Variants in DEF8 observed in about 807,000 individuals in gnomAD.
The protein encoded by DEF8 is DEF-8.
A neutral mutation model predicts 59.1 loss-of-function variants in DEF8; 38 were observed. That is an observed-to-expected ratio of 0.64 (90% CI 0.50 to 0.84). The LOEUF (loss-of-function observed/expected upper bound fraction) is 0.84, where lower values mean the gene tolerates loss of function less well. DEF8 is among the 40% of genes least tolerant of loss of function. The pLI, the probability that DEF8 is intolerant of heterozygous loss-of-function variation, is 0.00. For missense variants in DEF8, 557 were observed against 615.2 expected (o/e 0.91, Z 1.00); for synonymous variants, 265 against 250.1 (o/e 1.06, Z -0.56).
intron 1 of DEF8, 61 bp from the exon 2 acceptor site, chr16:89,949,356 G>C: frequency 7.2e-7 from 1 of 1,391,192 alleles, no homozygotes; most frequent in Admixed American, 2.2e-5. Context: ...GGGAGACCGG[G>C]CGAGCTCCCG....
intron 7 of DEF8, 102 bp downstream of exon 7, chr16:89,961,197 C>T (rs1190926373): frequency 4.8e-6 from 7 of 1,454,584 alleles, no homozygotes; most frequent in Non-Finnish European, 5.6e-6. Context: ...TTGAGTGAGG[C>T]CCTGGGGCAG....
chr16:89,963,801 C>T lies in DEF8; in HGVS notation c.1002+358C>T, dbSNP rs192409144. Reference sequence around the variant, plus strand: ...TGAACGAAACAGACAGGAATGCTTGCCCTTAGTGCCTTTCAAGTAGGGAAG... The same window carrying T: ...TGAACGAAACAGACAGGAATGCTTGTCCTTAGTGCCTTTCAAGTAGGGAAG... On this transcript the variant is annotated intron_variant, in intron 10 of 12. Coordinates refer to ENST00000563594, the MANE Select transcript of DEF8 (RefSeq NM_001242818.2). 1.8e-4 allele frequency: 88 copies of T among 488,862 alleles called. 2 individuals are homozygous for T. Among genetic ancestry groups the T allele is most frequent in the African/African-American group, 1.6e-3 (83 of 51,660 alleles). 30.3% of individuals were successfully genotyped at this position (488,862 alleles called of 1,614,324 possible).
At position 89,965,708 on chromosome 16, in the gene DEF8, C is replaced by T. The variant is rs535729542; in HGVS notation, c.1254-153C>T. On this transcript the variant is annotated intron_variant, in intron 12 of 12. Transcript: ENST00000563594. Reference sequence around the variant, plus strand: ...TGCACGCCCGTAAGCGCTCTGCACACGGCCATACAGTCACTTGCATCTGGC... The same window carrying T: ...TGCACGCCCGTAAGCGCTCTGCACATGGCCATACAGTCACTTGCATCTGGC... 2.0e-5 allele frequency among the ~76,000 whole-genome samples: 3 copies of T among 152,280 alleles called. No homozygotes were observed. The South Asian group carries it at 6.2e-4, about 32-fold the overall frequency.
At chr16:89,957,888 TCAACC>T in intron 5 of DEF8, 1 of 452,542 alleles carries the variant, frequency 2.2e-6, no homozygotes, top group Admixed American at 3.9e-5. Flanking sequence ...GAACAGAAAC[TCAACC>T]CTGAGTAGCT....
chr16:89,965,300 CCT>C (rs754446466), intron 12 of DEF8, among the ~76,000 whole-genome samples: 2 of 152,172 alleles, frequency 1.3e-5, no homozygotes, highest in Non-Finnish European at 2.9e-5. Flanking sequence ...GTTTCTGTCC[CCT>C]GATTTTTGCC....
At position 89,954,556 on chromosome 16, in the gene DEF8, T is replaced by C. The variant is rs2032796330; in HGVS notation, c.124+180T>C. ...GTGTGGTTTGTTTCTGTGTCCCCAC[T>C]AGAATTCACATTCCTGAGGGCAAGA... is the stretch of plus-strand genomic sequence containing the variant. On this transcript the variant is annotated intron_variant, in intron 3 of 12. Coordinates refer to ENST00000563594, the MANE Select transcript of DEF8 (RefSeq NM_001242818.2). The surrounding 1 kb of genome is among the most constrained non-coding windows in gnomAD (Gnocchi z 4.3). Among the ~76,000 whole-genome samples the C allele has an allele frequency of 6.6e-6, 1 of 152,330 alleles. No homozygotes were observed. Among genetic ancestry groups the C allele is most frequent in the Non-Finnish European group, 1.5e-5 (1 of 68,020 alleles).
At chr16:89,965,741 T>C (rs7192373) in intron 12 of DEF8, 120 bp from the exon 13 acceptor site, 54,906 of 638,414 alleles carry the variant, frequency 0.086, 5,782 homozygotes, top group African/African-American at 0.41. Context: ...GGCTGCAGAC[T>C]CCGACTCTGC....
Position 89,957,866 on chromosome 16 carries a change from T to C in DEF8, c.372+206T>C, listed in dbSNP as rs530740869. On this transcript the variant is annotated intron_variant, in intron 5 of 12. Coordinates refer to ENST00000563594, the MANE Select transcript of DEF8 (RefSeq NM_001242818.2). ...GAGGTTTCCCTATTAGCCTAGACCC[T>C]CCTGTTGCAAGGAACAGAAACTCAA... The C allele has an allele frequency of 7.9e-6, 4 of 505,568 alleles. No individual in the cohort carries two copies. The South Asian group carries it at 1.4e-4, about 17-fold the overall frequency. 31.3% of individuals were successfully genotyped at this position (505,568 alleles called of 1,614,324 possible). A position where few individuals can be genotyped will look rare whatever the true frequency, so the allele number is the denominator to read the frequency against.
At chr16:89,961,933 G>C (rs990588198) in intron 8 of DEF8, 69 bp downstream of exon 8, 3 of 1,601,658 alleles carry the variant, frequency 1.9e-6, no homozygotes, top group South Asian at 1.1e-5. Flanking sequence ...GTGTGGAGCC[G>C]GTGTACCCCT....
rs2034671988 is a variant in DEF8 at position 89,967,632 on chromosome 16, T to C, written c.*1669T>C. On this transcript the variant is annotated 3_prime_UTR_variant, in exon 13 of 13. Transcript: ENST00000563594. ...TTCCTCTTTGGGGCTGAGGAGGAGG[T>C]TAAAGGCCAAATGCTGTTTCCCAAC... 2.5e-6 allele frequency: 1 copy of C among 396,922 alleles called. No homozygotes were observed. The highest frequency in any genetic ancestry group is 4.4e-6 in the Non-Finnish European group (1 of 225,698). 24.6% of individuals were successfully genotyped at this position (396,922 alleles called of 1,614,324 possible).
chr16:89,956,191 C>T (rs1415652705), intron 4 of DEF8, among the ~76,000 whole-genome samples: 8 of 151,742 alleles, frequency 5.3e-5, no homozygotes, highest in Non-Finnish European at 8.8e-5. Context: ...GACGTGGTGG[C>T]TCACGCCTGT....
In DEF8 at chr16:89,954,358, C is replaced by T. The variant is rs915780524; in HGVS notation, c.106C>T (p.Pro36Ser). ...QHEQGPGEEV[P>S]DVTPEEALPE... ...TGAGCAGGGCCCTGGGGAGGAGGTC[C>T]CGGACGTCACTCCTGAAGGTGGGTG... The change falls in exon 3 of 13, where the codon CCG (proline) becomes TCG (serine). Residue 36 changes from proline (P) to serine (S), a missense_variant. By Grantham distance (74) the Pro-to-Ser change is moderately conservative. Transcript: ENST00000563594. The surrounding 1 kb of genome is among the most constrained non-coding windows in gnomAD (Gnocchi z 4.3). 24 of 1,613,610 alleles carry T rather than the reference C, an allele frequency of 1.5e-5. No homozygotes were observed. The highest frequency in any genetic ancestry group is 6.7e-5 in the African/African-American group (5 of 74,898).
chr16:89,961,225 T>G, intron 7 of DEF8, 130 bp downstream of exon 7: 3 of 1,218,234 alleles, frequency 2.5e-6, no homozygotes, highest in Non-Finnish European at 3.4e-6. Context: ...TTGATATCTT[T>G]AGGAAGTGAC....
At chr16:89,955,034 C>G in intron 3 of DEF8, 135 bp from the exon 4 acceptor site, 3 of 660,150 alleles carry the variant, frequency 4.5e-6, no homozygotes, top group Non-Finnish European at 8.1e-6. Context: ...GAGTGGTGCC[C>G]AGCTCTCACG....
chr16:89,960,737 C>T (rs1243108859), intron 6 of DEF8, among the ~76,000 whole-genome samples, 194 bp from the exon 7 acceptor site: 2 of 152,124 alleles, frequency 1.3e-5, no homozygotes, highest in Non-Finnish European at 2.9e-5. Context: ...GTCTGGGCCA[C>T]CTTTGGGGCA....
chr16:89,949,752 A>T, intron 2 of DEF8: 1 of 1,033,492 alleles, frequency 9.7e-7, no homozygotes, highest in Non-Finnish European at 1.4e-6. Flanking sequence ...CTCCCCGATG[A>T]GAGCAGTGGG....
chr16:89,962,152 G>T (rs748543660), intron 9 of DEF8, 27 bp downstream of exon 9: 1 of 1,594,530 alleles, frequency 6.3e-7, no homozygotes, highest in South Asian at 1.1e-5. Flanking sequence ...GGAAGTGGGG[G>T]GCGGGGGCGC....
chr16:89,964,664 C>A, intron 12 of DEF8, 89 bp downstream of exon 12: 1 of 976,844 alleles, frequency 1.0e-6, no homozygotes, highest in Non-Finnish European at 1.5e-6. Flanking sequence ...AGGATGATGC[C>A]GTGGGAGCTG....
rs1435403120 is a variant in DEF8, at chr16:89,966,163, T to C, written c.*200T>C. 7.5e-6 allele frequency: 4 copies of C among 531,420 alleles called. No individual in the cohort carries two copies. The highest frequency in any genetic ancestry group is 1.4e-5 in the Non-Finnish European group (4 of 292,338). 32.9% of individuals were successfully genotyped at this position (531,420 alleles called of 1,614,324 possible). A position where few individuals can be genotyped will look rare whatever the true frequency, so the allele number is the denominator to read the frequency against. On this transcript the variant is annotated 3_prime_UTR_variant, in exon 13 of 13. Coordinates refer to ENST00000563594, the MANE Select transcript of DEF8 (RefSeq NM_001242818.2). ...GACTCGGGGCGGCTGCACCTGGCTG[T>C]CACCTGGGTGTGCTGCTGTGAGGGG...
Sources: gnomAD v4.1 joint callset for allele counts (sites outside exome capture counted in the v4.1 genomes callset) on GRCh38, gnomAD v4.1.1 for gene constraint, Gnocchi (gnomAD v3.1) non-coding constraint, MANE v1.5 for transcripts, NCBI Gene and HGNC (gene_info 2026-07-23, HGNC 2026-07-21) for gene names.